Variants in SCN3A observed in about 807,000 individuals in gnomAD.
SCN3A encodes the protein sodium channel protein type 3 subunit alpha.
A neutral mutation model predicts 187.6 loss-of-function variants in SCN3A; 60 were observed. The observed-to-expected ratio is 0.32, with a 90% CI of 0.26 to 0.40. The LOEUF (loss-of-function observed/expected upper bound fraction) is 0.40, where lower values mean the gene tolerates loss of function less well. Among genes scored for constraint, SCN3A ranks in the 10% least tolerant of loss-of-function variants. The pLI, the probability that SCN3A is intolerant of heterozygous loss-of-function variation, is 1.00. For missense variants in SCN3A, 1,601 were observed against 2,428.2 expected (o/e 0.66, Z 7.16); for synonymous variants, 788 against 829.2 (o/e 0.95, Z 0.85).
chr2:165,169,928 T>C (rs1291354341), intron 4 of SCN3A, among the ~76,000 whole-genome samples: 2 of 150,572 alleles, frequency 1.3e-5, no homozygotes, highest in South Asian at 4.2e-4. Context: ...AAATATTTAC[T>C]GAAAAAAAGA....
chr2:165,171,792 G>A (rs182001531), intron 3 of SCN3A, among the ~76,000 whole-genome samples: 2 of 152,084 alleles, frequency 1.3e-5, no homozygotes, highest in South Asian at 4.1e-4. Flanking sequence ...GTTCATTCCA[G>A]TGAGAACTAG....
In SCN3A at chr2:165,092,679, T is replaced by TA. The variant is rs1000009829; in HGVS notation, c.4537-156dup. 6.0e-5 allele frequency: 44 copies of TA among 729,772 alleles called. No homozygotes were observed. Among genetic ancestry groups the TA allele is most frequent in the Admixed American group, 1.2e-4 (4 of 34,642 alleles). The allele number at this position is 729,772 out of a possible 1,614,324, so 45.2% of individuals were successfully genotyped here. On this transcript the variant is annotated intron_variant, in intron 26 of 27. Transcript: ENST00000283254. The surrounding 1 kb of genome is among the most constrained non-coding windows in gnomAD (Gnocchi z 4.2). ...TTGTGTGCTTTTTTTCTCTTCATGT[T>TA]AAAAAAAATGGAAAAAAAATTTATA...
At chr2:165,113,723 T>C in intron 20 of SCN3A, 93 bp downstream of exon 20, 2 of 1,391,432 alleles carry the variant, frequency 1.4e-6, no homozygotes, top group South Asian at 2.3e-5. Flanking sequence ...TGCCTTTTCT[T>C]TTGATTCTGA....
chr2:165,105,343 G>T (rs1685797610), intron 21 of SCN3A, among the ~76,000 whole-genome samples: 1 of 152,134 alleles, frequency 6.6e-6, no homozygotes, highest in African/African-American at 2.4e-5. Flanking sequence ...TCCTGAAGTT[G>T]AGTTTTTCCC....
At chr2:165,107,197 T>C (rs1685903325) in intron 21 of SCN3A, among the ~76,000 whole-genome samples, 1 of 152,164 alleles carries the variant, frequency 6.6e-6, no homozygotes. Context: ...AGACCAGAAT[T>C]AGAGATTAAA....
rs1479706634 is a variant in SCN3A at position 165,138,040 on chromosome 2, C to T, written c.2230G>A (p.Asp744Asn). The T allele has an allele frequency of 6.2e-7, 1 of 1,613,526 alleles. No homozygotes were observed. The highest frequency in any genetic ancestry group is 2.2e-5 in the East Asian group (1 of 44,834). Residue 744 changes from aspartate (D) to asparagine (N), a missense_variant, in exon 15 of 28, where the codon GAT (aspartate) becomes AAT (asparagine). Transcript: ENST00000283254. The part of the protein sequence containing the change: ...ANVFLIWDCC[D>N]AWLKVKHLVN... ...AGATGTTTTACTTTTAACCATGCAT[C>T]ACAGCAGTCCCAGATCAAGAACACA...
intron 15 of SCN3A, among the ~76,000 whole-genome samples, chr2:165,137,637 C>T (rs1010629446): frequency 2.6e-5 from 4 of 152,118 alleles, no homozygotes; most frequent in Admixed American, 2.0e-4. Context: ...GATTTTGAGA[C>T]GTTTACAACT....
chr2:165,091,116 A>G lies in SCN3A; in HGVS notation c.5037T>C (p.Tyr1679=), dbSNP rs149829270. Residue 1679 remains tyrosine (Y), a synonymous_variant, in exon 28 of 28, where the codon TAT becomes TAC. Transcript: ENST00000283254. ...CATCAATTCCAGCTTCCTTTTTAAC[A>G]TAGGCAAAGTTGGACATCCCAAAGA... ...YAIFGMSNFA[Y]VKKEAGIDDM... is the part of the protein sequence containing the mutation. The G allele has an allele frequency of 4.2e-5, 68 of 1,613,962 alleles. No individual in the cohort carries two copies. Among genetic ancestry groups the G allele is most frequent in the Non-Finnish European group, 5.6e-5 (66 of 1,179,990 alleles).
Position 165,095,386 on chromosome 2 carries a change from A to G in SCN3A, c.4431+125T>C, listed in dbSNP as rs77002577. The G allele has an allele frequency of 0.22, 212,864 of 988,092 alleles. 23,660 individuals are homozygous for G. Among genetic ancestry groups the G allele is most frequent in the South Asian group, 0.27 (18,148 of 67,674 alleles). 61.2% of individuals were successfully genotyped at this position (988,092 alleles called of 1,614,324 possible). On this transcript the variant is annotated intron_variant, in intron 25 of 27. Transcript: ENST00000283254. ...GAATCCCTGCAGCTTAAATAACCAC[A>G]TGGGCAACTGAAAATAATATAAACA... is the stretch of plus-strand genomic sequence containing the variant.
chr2:165,188,379 T>A (rs1479434220), intron 1 of SCN3A, among the ~76,000 whole-genome samples: 2 of 152,178 alleles, frequency 1.3e-5, no homozygotes, highest in Non-Finnish European at 2.9e-5. Flanking sequence ...TACTTCAAAC[T>A]GCGTTATATC....
At chr2:165,168,504 C>T (rs915900133) in intron 5 of SCN3A, among the ~76,000 whole-genome samples, 1 of 151,956 alleles carries the variant, frequency 6.6e-6, no homozygotes. Context: ...TACCAGAAAG[C>T]ATATACTAAT....
At chr2:165,166,573 C>T (rs1448617692) in intron 5 of SCN3A, among the ~76,000 whole-genome samples, 2 of 152,178 alleles carry the variant, frequency 1.3e-5, no homozygotes, top group African/African-American at 4.8e-5. Flanking sequence ...TAACATTCCC[C>T]TCACTATATA....
intron 21 of SCN3A, among the ~76,000 whole-genome samples, chr2:165,106,704 T>C (rs1382378644): frequency 2.0e-5 from 3 of 152,346 alleles, no homozygotes; most frequent in East Asian, 1.9e-4. Flanking sequence ...TTAAGGTTGG[T>C]TGTTATTAGT....
chr2:165,201,024 T>A (rs1184545091), intron 1 of SCN3A, among the ~76,000 whole-genome samples: 1 of 152,110 alleles, frequency 6.6e-6, no homozygotes, highest in Non-Finnish European at 1.5e-5. Context: ...AGAAATTACT[T>A]GGCGTTTAAA....
In SCN3A at chr2:165,163,615, C is replaced by A. The variant is rs767084097; in HGVS notation, c.694+3G>T. 1.3e-5 allele frequency: 21 copies of A among 1,613,832 alleles called. No individual in the cohort carries two copies. Among genetic ancestry groups the A allele is most frequent in the Non-Finnish European group, 1.4e-5 (17 of 1,179,942 alleles). On this transcript the variant is annotated splice_donor_region_variant and intron_variant, in intron 7 of 27. Coordinates refer to ENST00000283254, the MANE Select transcript of SCN3A (RefSeq NM_006922.4). ...CAACCTCGGTGTTTAACCTAGCTCT[C>A]ACCTGGAATGACTGAAATTGTTTTC...
chr2:165,098,934 A>G (rs1574104108), intron 22 of SCN3A, among the ~76,000 whole-genome samples: 1 of 152,224 alleles, frequency 6.6e-6, no homozygotes, highest in African/African-American at 2.4e-5. Context: ...ATTATGAGTA[A>G]TGGTAAAAGT....
rs1444880109 is a variant in SCN3A, at chr2:165,089,856, T to C, written c.*294A>G. ...AGGACTGTACTAAAGGTGTTTGGTG[T>C]AGTTACAATGTTCACTTTGCACAAC... is the stretch of plus-strand genomic sequence containing the variant. On this transcript the variant is annotated 3_prime_UTR_variant, in exon 28 of 28. Coordinates refer to ENST00000283254, the MANE Select transcript of SCN3A (RefSeq NM_006922.4). 1 of 399,864 alleles carries C rather than the reference T, an allele frequency of 2.5e-6. No homozygotes were observed. The highest frequency in any genetic ancestry group is 4.6e-6 in the Non-Finnish European group (1 of 218,664). 24.8% of individuals were successfully genotyped at this position (399,864 alleles called of 1,614,324 possible). A position where few individuals can be genotyped will look rare whatever the true frequency, so the allele number is the denominator to read the frequency against.
intron 1 of SCN3A, among the ~76,000 whole-genome samples, chr2:165,203,303 GA>G (rs1692435422): frequency 6.6e-6 from 1 of 151,900 alleles, no homozygotes. Flanking sequence ...TTTTCTCTAT[GA>G]AAACAGATTT....
At position 165,141,748 on chromosome 2, in the gene SCN3A, CTCT is replaced by C. The variant is rs555850268; in HGVS notation, c.1672-753_1672-751del. ...GATTCCTAAACTGCTACACAAATTA[CTCT>C]TCTTGTGTAAAATATAACACTGGCT... is the stretch of plus-strand genomic sequence containing the variant. On this transcript the variant is annotated intron_variant, in intron 12 of 27. Transcript: ENST00000283254. Among the ~76,000 whole-genome samples, 747 of 152,276 alleles carry C rather than the reference CTCT, an allele frequency of 4.9e-3. 2 individuals are homozygous for C. The highest frequency in any genetic ancestry group is 0.015 in the South Asian group (73 of 4,820).
Sources: gnomAD v4.1 joint callset for allele counts (sites outside exome capture counted in the v4.1 genomes callset) on GRCh38, gnomAD v4.1.1 for gene constraint, Gnocchi (gnomAD v3.1) non-coding constraint, MANE v1.5 for transcripts, NCBI Gene and HGNC (gene_info 2026-07-23, HGNC 2026-07-21) for gene names.